TRAPPC9: variants seen among roughly 807,000 people sequenced by gnomAD.
TRAPPC9 encodes the protein IKK2 binding protein.
In TRAPPC9, 83 loss-of-function variants were observed where a neutral mutation model predicts 124.0. The ratio of observed to expected loss-of-function variants is 0.67; its 90% CI spans 0.56 to 0.80. The LOEUF is 0.80. Ranked by LOEUF, TRAPPC9 falls within the 30% of genes least tolerant of loss-of-function variation. TRAPPC9 has a pLI of 0.00. For synonymous variants in TRAPPC9, 638 were observed against 617.5 expected (o/e 1.03, Z -0.49); for missense variants, 1,302 against 1,508.3 (o/e 0.86, Z 2.27).
At chr8:139,827,485 C>G (rs1011430763) in intron 21 of TRAPPC9, among the ~76,000 whole-genome samples, 3 of 152,202 alleles carry the variant, frequency 2.0e-5, no homozygotes, top group Non-Finnish European at 4.4e-5. Context: ...AGCATTTAGA[C>G]GGGGCTAAGG....
intron 19 of TRAPPC9, among the ~76,000 whole-genome samples, chr8:139,935,080 C>T (rs1275228780): frequency 6.6e-6 from 1 of 152,158 alleles, no homozygotes; most frequent in Non-Finnish European, 1.5e-5. Context: ...TTCAGCCCCT[C>T]CCGGTACGTG....
At chr8:140,326,010 C>G (rs745745011) in intron 9 of TRAPPC9, among the ~76,000 whole-genome samples, 6 of 152,016 alleles carry the variant, frequency 3.9e-5, no homozygotes, top group Non-Finnish European at 5.9e-5. Flanking sequence ...ATTAAAGAAG[C>G]TGATATACAA....
rs749887238 is a variant in TRAPPC9, at chr8:140,252,840, T to C, written c.2368A>G (p.Ile790Val). Residue 790 changes from isoleucine to valine, a missense_variant, in exon 16 of 23, where the codon ATC becomes GTC. By Grantham distance (29) the Ile-to-Val change is conservative (BLOSUM62 3). Transcript: ENST00000438773. This position sits in a 1 kb window ranked among gnomAD's most constrained non-coding sequence, Gnocchi z 4.2. ...AAATCCAGCTTCACTTTGATGTTGA[T>C]TGTGAACGTGGCCACCTTCCCAGGC... ...LQPGKVATFTINIKVKLDFSC... is the reference protein window; with the variant it reads ...LQPGKVATFTVNIKVKLDFSC... 6 of 1,614,150 alleles carry C rather than the reference T, an allele frequency of 3.7e-6. No individual in the cohort carries two copies. The highest frequency in any genetic ancestry group is 2.2e-5 in the South Asian group (2 of 91,076).
intron 20 of TRAPPC9, among the ~76,000 whole-genome samples, chr8:139,901,806 G>A (rs537850604): frequency 1.3e-5 from 2 of 152,310 alleles, no homozygotes; most frequent in East Asian, 1.9e-4. Flanking sequence ...GCTCTGCCAC[G>A]GACCAGCTGG....
chr8:139,876,332 G>A (rs1312715402), intron 21 of TRAPPC9, among the ~76,000 whole-genome samples: 2 of 152,218 alleles, frequency 1.3e-5, no homozygotes, highest in East Asian at 3.9e-4. Flanking sequence ...GCAACACCCA[G>A]ACACCATGGG....
At chr8:140,312,904 C>G (rs2066338209) in intron 9 of TRAPPC9, among the ~76,000 whole-genome samples, 2 of 152,052 alleles carry the variant, frequency 1.3e-5, no homozygotes, top group African/African-American at 4.8e-5. Flanking sequence ...AGACTACAGG[C>G]ATGTGTCACC....
chr8:140,119,893 C>A (rs1405239627), intron 17 of TRAPPC9, among the ~76,000 whole-genome samples: 3 of 152,218 alleles, frequency 2.0e-5, no homozygotes, highest in Non-Finnish European at 2.9e-5. Flanking sequence ...CAAAGTATTT[C>A]CCTCCATCTC....
intron 17 of TRAPPC9, among the ~76,000 whole-genome samples, chr8:140,034,772 T>A (rs1467129840): frequency 6.6e-6 from 1 of 152,174 alleles, no homozygotes; most frequent in African/African-American, 2.4e-5. Context: ...AGCTCACCAC[T>A]ATCGAAAGCT....
chr8:140,196,730 C>G (rs140678514), intron 17 of TRAPPC9, among the ~76,000 whole-genome samples: 1 of 151,798 alleles, frequency 6.6e-6, no homozygotes, highest in Non-Finnish European at 1.5e-5. Context: ...ATCCACTACA[C>G]AGCTTGCACC....
At chr8:140,072,596 G>GAGGAGGAGGAGGAGAAGGGA (rs1843245607) in intron 17 of TRAPPC9, among the ~76,000 whole-genome samples, 4 of 5,666 alleles carry the variant, frequency 7.1e-4, no homozygotes, top group African/African-American at 9.2e-4. Context: ...AGAAGGGAAG[G>GAGGAGGAGGAGGAGAAGGGA]AGGAGGAGGA....
chr8:140,059,005 A>C (rs1383556397), intron 17 of TRAPPC9, among the ~76,000 whole-genome samples: 2 of 152,164 alleles, frequency 1.3e-5, no homozygotes, highest in African/African-American at 2.4e-5. Flanking sequence ...ATACAATAAA[A>C]CATACATATT....
At chr8:140,403,871 T>C (rs1056090328) in intron 6 of TRAPPC9, among the ~76,000 whole-genome samples, 4 of 152,156 alleles carry the variant, frequency 2.6e-5, no homozygotes, top group African/African-American at 9.6e-5. Context: ...TTGCCCGGGG[T>C]GGTCTCAAAC....
chr8:140,091,978 G>A (rs900973775), intron 17 of TRAPPC9, among the ~76,000 whole-genome samples: 11 of 149,810 alleles, frequency 7.3e-5, no homozygotes, highest in Non-Finnish European at 1.5e-4. Context: ...GCCGCAGAAC[G>A]CTGACCACCC....
At chr8:140,070,855 G>A (rs1186594101) in intron 17 of TRAPPC9, among the ~76,000 whole-genome samples, 1 of 152,174 alleles carries the variant, frequency 6.6e-6, no homozygotes, top group Admixed American at 6.5e-5. Flanking sequence ...GCAGCTGTGG[G>A]TGCCAGCCCC....
At chr8:140,107,044 G>C (rs759290367) in intron 17 of TRAPPC9, among the ~76,000 whole-genome samples, 1 of 152,186 alleles carries the variant, frequency 6.6e-6, no homozygotes, top group Admixed American at 6.5e-5. Context: ...GAGATTTTGC[G>C]TGTGTGTCCT....
At chr8:140,433,328 C>T (rs899136445) in intron 4 of TRAPPC9, among the ~76,000 whole-genome samples, 1 of 151,968 alleles carries the variant, frequency 6.6e-6, no homozygotes, top group Non-Finnish European at 1.5e-5. Context: ...GTGGCTCACA[C>T]CTGTAATCCC....
chr8:140,331,382 T>C (rs1264856300), intron 9 of TRAPPC9, among the ~76,000 whole-genome samples: 1 of 151,790 alleles, frequency 6.6e-6, no homozygotes. Flanking sequence ...AAGAAAAACA[T>C]AGGGAAAACA....
At chr8:139,750,752 A>C (rs902787454) in intron 21 of TRAPPC9, among the ~76,000 whole-genome samples, 4 of 152,204 alleles carry the variant, frequency 2.6e-5, no homozygotes, top group Non-Finnish European at 4.4e-5. Flanking sequence ...GGACCATTCA[A>C]ACTGCACCTG....
At chr8:139,876,158 C>T (rs1246843145) in intron 21 of TRAPPC9, among the ~76,000 whole-genome samples, 1 of 152,236 alleles carries the variant, frequency 6.6e-6, no homozygotes, top group Non-Finnish European at 1.5e-5. Flanking sequence ...GATGAAAGGG[C>T]ACGTTCTCGC....
Sources: gnomAD v4.1 joint callset for allele counts (sites outside exome capture counted in the v4.1 genomes callset) on GRCh38, gnomAD v4.1.1 for gene constraint, Gnocchi (gnomAD v3.1) non-coding constraint, MANE v1.5 for transcripts, NCBI Gene and HGNC (gene_info 2026-07-23, HGNC 2026-07-21) for gene names.